The following TRPM3 variants were observed in gnomAD, a reference collection of about 807,000 sequenced individuals.
TRPM3 encodes transient receptor potential cation channel subfamily M member 3.
Under a neutral mutation model 181.2 loss-of-function variants are expected in TRPM3, and 77 were observed. The ratio of observed to expected loss-of-function variants is 0.42; its 90% CI spans 0.35 to 0.51. The LOEUF (loss-of-function observed/expected upper bound fraction) is 0.51, where lower values mean the gene tolerates loss of function less well. Among genes scored for constraint, TRPM3 ranks in the 20% least tolerant of loss-of-function variants. The probability of loss-of-function intolerance (pLI) is 0.01; values close to 1 mark genes in which losing one functional copy is unlikely to be tolerated. For missense variants in TRPM3, 1,759 were observed against 2,196.7 expected (o/e 0.80, Z 3.98); for synonymous variants, 745 against 796.4 (o/e 0.94, Z 1.09).
intron 20 of TRPM3, among the ~76,000 whole-genome samples, chr9:70,600,582 C>T (rs2059721593): frequency 6.6e-6 from 1 of 152,132 alleles, no homozygotes; most frequent in Admixed American, 6.5e-5. Flanking sequence ...GATGCTGGGC[C>T]CTCAGTCTGG....
rs947828570 is a variant in TRPM3 at position 71,404,620 on chromosome 9, T to C, written c.183+42033A>G. The stretch of plus-strand genomic sequence containing the variant: ...GCTTTTGTTGCCTTGCTGGCTCTGG[T>C]CTTTTCCTCTCCACTAACCCATTCT... On this transcript the variant is annotated intron_variant, in intron 1 of 24. Transcript: ENST00000357533. Among the ~76,000 whole-genome samples, 7 of 152,130 alleles carry C rather than the reference T, an allele frequency of 4.6e-5. No individual in the cohort carries two copies. The East Asian group carries it at 1.3e-3, about 29-fold the overall frequency.
intron 21 of TRPM3, among the ~76,000 whole-genome samples, chr9:70,596,169 A>G (rs1239374144): frequency 4.6e-5 from 7 of 152,160 alleles, no homozygotes; most frequent in Admixed American, 2.0e-4. Flanking sequence ...CAATAACCCT[A>G]TAAGATATGC....
chr9:70,800,446 A>C (rs557984908), intron 6 of TRPM3, among the ~76,000 whole-genome samples: 4 of 152,310 alleles, frequency 2.6e-5, no homozygotes, highest in Admixed American at 2.6e-4. Flanking sequence ...TCTGCTCAAC[A>C]ACCTTCTGAT....
At chr9:70,856,675 C>T (rs2095397035) in intron 3 of TRPM3, among the ~76,000 whole-genome samples, 1 of 152,054 alleles carries the variant, frequency 6.6e-6, no homozygotes, top group South Asian at 2.1e-4. Flanking sequence ...CTCTGGCAGG[C>T]TCTATATAGT....
At chr9:71,177,795 T>G (rs901495120) in intron 1 of TRPM3, among the ~76,000 whole-genome samples, 2 of 152,124 alleles carry the variant, frequency 1.3e-5, no homozygotes, top group African/African-American at 4.8e-5. Flanking sequence ...GGCTTGGTTT[T>G]TAGTCTCTTG....
chr9:71,011,145 C>T (rs1027377137), intron 1 of TRPM3, among the ~76,000 whole-genome samples: 5 of 152,002 alleles, frequency 3.3e-5, no homozygotes, highest in African/African-American at 7.3e-5. Flanking sequence ...AGAGTGCTTA[C>T]CAGAGGCTGG....
chr9:70,958,878 A>G (rs2097107479), intron 1 of TRPM3, among the ~76,000 whole-genome samples: 1 of 151,886 alleles, frequency 6.6e-6, no homozygotes, highest in Non-Finnish European at 1.5e-5. Flanking sequence ...GAAATTGGAA[A>G]TCATTCTCAG....
At chr9:71,231,497 C>A (rs1588063091) in intron 1 of TRPM3, among the ~76,000 whole-genome samples, 1 of 152,182 alleles carries the variant, frequency 6.6e-6, no homozygotes, top group African/African-American at 2.4e-5. Flanking sequence ...TACTTGAAGA[C>A]TTTTGACCTC....
intron 7 of TRPM3, among the ~76,000 whole-genome samples, chr9:70,762,919 A>G (rs1373205385): frequency 6.6e-6 from 1 of 152,134 alleles, no homozygotes; most frequent in African/African-American, 2.4e-5. Context: ...CACTGTGGCT[A>G]TTTGAGCAGG....
Position 70,940,703 on chromosome 9 carries a change from A to G in TRPM3, c.178-76192T>C, listed in dbSNP as rs993094075. Among the ~76,000 whole-genome samples the G allele has an allele frequency of 2.0e-5, 3 of 152,200 alleles. No homozygotes were observed. In the South Asian group the frequency reaches 6.2e-4, roughly 31 times the overall value. On this transcript the variant is annotated intron_variant, in intron 1 of 25. Coordinates refer to ENST00000677713, the MANE Select transcript of TRPM3 (RefSeq NM_001366145.2). ...GGTCAGGAAGGACTTCTCTGAGGAG[A>G]TGGCATTGGAACTAACACTGAAGGA...
chr9:71,109,420 G>A (rs2070525413), intron 1 of TRPM3, among the ~76,000 whole-genome samples: 1 of 151,822 alleles, frequency 6.6e-6, no homozygotes, highest in African/African-American at 2.4e-5. Context: ...CTTGAATTCT[G>A]TTAATTTGCA....
Position 70,686,646 on chromosome 9 carries a change from C to G in TRPM3, c.1273-5068G>C, listed in dbSNP as rs190832346. ...GAAACTCCTTCCTCCCTCACTCCCTCTCTCCCTTCCTGCCTTCCTTCCTGG... is the reference window on the plus strand; with the variant it reads ...GAAACTCCTTCCTCCCTCACTCCCTGTCTCCCTTCCTGCCTTCCTTCCTGG... On this transcript the variant is annotated intron_variant, in intron 8 of 25. Transcript: ENST00000677713. 3.2e-4 allele frequency among the ~76,000 whole-genome samples: 37 copies of G among 114,356 alleles called. 1 individual carries two copies. Among genetic ancestry groups the G allele is most frequent in the African/African-American group, 1.2e-3 (34 of 28,016 alleles). The allele number at this position is 114,356 out of a possible 152,430, so 75.0% of individuals were successfully genotyped here. A position where few individuals can be genotyped will look rare whatever the true frequency, so the allele number is the denominator to read the frequency against.
chr9:71,431,754 C>T (rs1366007950), intron 1 of TRPM3, among the ~76,000 whole-genome samples: 1 of 152,066 alleles, frequency 6.6e-6, no homozygotes, highest in Non-Finnish European at 1.5e-5. Flanking sequence ...AAAATAAAAC[C>T]CACAGTGGAA....
At chr9:71,016,826 C>G (rs1298048492) in intron 1 of TRPM3, among the ~76,000 whole-genome samples, 2 of 151,978 alleles carry the variant, frequency 1.3e-5, no homozygotes, top group Non-Finnish European at 2.9e-5. Flanking sequence ...GTTCTGTTTT[C>G]TACAGTGGTT....
intron 1 of TRPM3, among the ~76,000 whole-genome samples, chr9:71,105,923 A>G (rs2069427694): frequency 6.6e-6 from 1 of 152,150 alleles, no homozygotes; most frequent in Non-Finnish European, 1.5e-5. Context: ...ATGCCAATTA[A>G]TACGTCTTGA....
intron 9 of TRPM3, among the ~76,000 whole-genome samples, chr9:70,676,973 T>C (rs1037864963): frequency 2.5e-5 from 3 of 119,664 alleles, no homozygotes; most frequent in African/African-American, 9.6e-5. Context: ...CTCCTGTCCT[T>C]CTGTGTCACA....
chr9:70,994,176 A>T (rs79619400), intron 1 of TRPM3, among the ~76,000 whole-genome samples: 9,370 of 152,280 alleles, frequency 0.062, 410 homozygotes, highest in Admixed American at 0.14. Flanking sequence ...TATAACCTTG[A>T]ACAAGATACC....
At chr9:71,303,489 A>G (rs2086971445) in intron 1 of TRPM3, among the ~76,000 whole-genome samples, 1 of 152,252 alleles carries the variant, frequency 6.6e-6, no homozygotes, top group Non-Finnish European at 1.5e-5. Context: ...AGAAATGGCA[A>G]TAAGTCAGAG....
At chr9:71,153,723 C>G (rs971140185) in intron 1 of TRPM3, among the ~76,000 whole-genome samples, 1 of 151,990 alleles carries the variant, frequency 6.6e-6, no homozygotes, top group Non-Finnish European at 1.5e-5. Context: ...TATCCTAAAC[C>G]CTTTGCTCAT....
Sources: allele counts gnomAD v4.1 joint callset (sites outside exome capture counted in the v4.1 genomes callset), GRCh38; gene constraint gnomAD v4.1.1; transcripts MANE v1.5; gene names NCBI Gene and HGNC (gene_info 2026-07-23, HGNC 2026-07-21).